CNTNAP2: variants seen among roughly 807,000 people sequenced by gnomAD.
CNTNAP2 encodes contactin associated protein 2.
In CNTNAP2, 98 loss-of-function variants were observed where a neutral mutation model predicts 155.2. The observed-to-expected ratio is 0.63, with a 90% CI of 0.54 to 0.75. The LOEUF is 0.75. Among genes scored for constraint, CNTNAP2 ranks in the 30% least tolerant of loss-of-function variants. The pLI is 0.00. For synonymous variants in CNTNAP2, 651 were observed against 631.2 expected (o/e 1.03, Z -0.47); for missense variants, 1,727 against 1,688.1 (o/e 1.02, Z -0.40).
At chr7:146,840,282 G>C (rs1420782350) in intron 3 of CNTNAP2, among the ~76,000 whole-genome samples, 2 of 152,166 alleles carry the variant, frequency 1.3e-5, no homozygotes, top group African/African-American at 4.8e-5. Context: ...ATATAATTTA[G>C]AGAAGTAAGA....
rs1275577228 is a variant in CNTNAP2, at chr7:148,416,280, C to CACAACTGG, written c.*666_*673dup. On this transcript the variant is annotated 3_prime_UTR_variant, in exon 24 of 24. Coordinates refer to ENST00000361727, the MANE Select transcript of CNTNAP2 (RefSeq NM_014141.6). ...ACCTGGTGTGTAACGACACAATCAG[C>CACAACTGG]ACAACTGGAGAGAGGCATTAAAGAA... is the stretch of plus-strand genomic sequence containing the variant. 1 of 152,722 alleles carries CACAACTGG rather than the reference C, an allele frequency of 6.5e-6. No homozygotes were observed. Among genetic ancestry groups the CACAACTGG allele is most frequent in the Non-Finnish European group, 1.5e-5 (1 of 68,502 alleles). 9.5% of individuals were successfully genotyped at this position (152,722 alleles called of 1,614,324 possible).
intron 9 of CNTNAP2, among the ~76,000 whole-genome samples, chr7:147,310,952 G>A (rs1795112948): frequency 6.6e-6 from 1 of 152,162 alleles, no homozygotes; most frequent in Admixed American, 6.5e-5. Flanking sequence ...GAGTATAGGG[G>A]TTTCTAACCA....
chr7:146,279,439 C>CACACACAA (rs1554410517), intron 1 of CNTNAP2, among the ~76,000 whole-genome samples: 3 of 144,850 alleles, frequency 2.1e-5, no homozygotes, highest in African/African-American at 8.6e-5. Context: ...AACACACACA[C>CACACACAA]ACACACACAC....
chr7:147,176,732 A>G (rs1802349142), intron 8 of CNTNAP2, among the ~76,000 whole-genome samples: 1 of 107,114 alleles, frequency 9.3e-6, no homozygotes, highest in African/African-American at 3.2e-5. Context: ...ATTATATATA[A>G]TAGAATTATA....
chr7:147,804,439 C>T lies in CNTNAP2; in HGVS notation c.2099-99126C>T, dbSNP rs80208866. Among the ~76,000 whole-genome samples the T allele has an allele frequency of 1.1e-3, 169 of 152,246 alleles. 1 individual carries two copies. The East Asian group carries it at 0.032, about 29-fold the overall frequency. On this transcript the variant is annotated intron_variant, in intron 13 of 23. Transcript: ENST00000361727. ...AATGCCACAAAATCTTATCAGATTA[C>T]TCTCCTTTTGAAACCTTCCAAAGAC...
chr7:148,364,119 G>A (rs984232239), intron 21 of CNTNAP2, among the ~76,000 whole-genome samples: 2 of 152,170 alleles, frequency 1.3e-5, no homozygotes, highest in Non-Finnish European at 2.9e-5. Context: ...TGTGCGGCCC[G>A]AGCCTCCCCG....
chr7:148,282,263 T>C (rs745400764), intron 21 of CNTNAP2, among the ~76,000 whole-genome samples: 47 of 152,224 alleles, frequency 3.1e-4, no homozygotes, highest in Admixed American at 5.9e-4. Context: ...ATAAAACAGC[T>C]GCAAAGGCAA....
At chr7:147,934,767 G>A (rs891656586) in intron 14 of CNTNAP2, among the ~76,000 whole-genome samples, 1 of 152,088 alleles carries the variant, frequency 6.6e-6, no homozygotes, top group African/African-American at 2.4e-5. Context: ...AATATAACAG[G>A]TTCTTGTAGA....
intron 13 of CNTNAP2, among the ~76,000 whole-genome samples, chr7:147,851,748 C>T (rs1189950214): frequency 2.4e-5 from 3 of 125,320 alleles, no homozygotes; most frequent in African/African-American, 9.6e-5. Context: ...CATCACACAC[C>T]AAGGCCTGTC....
chr7:147,549,702 C>T (rs1361065789), intron 11 of CNTNAP2, among the ~76,000 whole-genome samples: 2 of 152,136 alleles, frequency 1.3e-5, no homozygotes, highest in Non-Finnish European at 2.9e-5. Flanking sequence ...GTCACCACAG[C>T]AGTTCTGGTA....
At chr7:146,924,715 T>C (rs976350744) in intron 3 of CNTNAP2, among the ~76,000 whole-genome samples, 1 of 152,082 alleles carries the variant, frequency 6.6e-6, no homozygotes. Context: ...ACACTATTTT[T>C]TGAAAAAAAA....
intron 14 of CNTNAP2, among the ~76,000 whole-genome samples, chr7:147,936,183 G>A (rs140379274): frequency 2.4e-3 from 369 of 152,200 alleles, no homozygotes; most frequent in African/African-American, 8.4e-3. Flanking sequence ...TTAAAAGCAA[G>A]TCTTTTTTGG....
At chr7:146,746,165 T>C (rs913239914) in intron 1 of CNTNAP2, among the ~76,000 whole-genome samples, 1 of 152,248 alleles carries the variant, frequency 6.6e-6, no homozygotes, top group Non-Finnish European at 1.5e-5. Flanking sequence ...TAATTCATTG[T>C]TGCACAAGGT....
intron 1 of CNTNAP2, among the ~76,000 whole-genome samples, chr7:146,560,028 CTT>C: frequency 6.6e-6 from 1 of 152,252 alleles, no homozygotes; most frequent in Admixed American, 6.5e-5. Context: ...AGTTAAAACA[CTT>C]TTATTTGCTT....
At chr7:147,671,987 A>C (rs1795795217) in intron 13 of CNTNAP2, 1 of 152,164 alleles carries the variant, frequency 6.6e-6, no homozygotes, top group Non-Finnish European at 1.5e-5. Context: ...TTTTGTACAG[A>C]GTTTGTTAGA....
intron 2 of CNTNAP2, among the ~76,000 whole-genome samples, chr7:146,790,886 C>T (rs1378750337): frequency 6.6e-6 from 1 of 151,508 alleles, no homozygotes; most frequent in African/African-American, 2.4e-5. Flanking sequence ...TCAGTGATTT[C>T]TATGCAGGGG....
intron 8 of CNTNAP2, among the ~76,000 whole-genome samples, chr7:147,204,399 C>A (rs1041358355): frequency 2.0e-5 from 3 of 151,992 alleles, no homozygotes; most frequent in Admixed American, 6.6e-5. Context: ...ATTATTTGCT[C>A]AATTTTCCAA....
intron 21 of CNTNAP2, among the ~76,000 whole-genome samples, chr7:148,272,385 A>C (rs1185437471): frequency 6.6e-6 from 1 of 152,156 alleles, no homozygotes; most frequent in Non-Finnish European, 1.5e-5. Flanking sequence ...AGAAATCTTC[A>C]AGGAAGAGAA....
intron 2 of CNTNAP2, among the ~76,000 whole-genome samples, chr7:146,775,246 A>G (rs1802369479): frequency 6.6e-6 from 1 of 152,174 alleles, no homozygotes; most frequent in Non-Finnish European, 1.5e-5. Context: ...TCTATTGTGT[A>G]GCATGGTGAC....
Sources: gnomAD v4.1 joint callset for allele counts (sites outside exome capture counted in the v4.1 genomes callset) on GRCh38, gnomAD v4.1.1 for gene constraint, MANE v1.5 for transcripts, NCBI Gene and HGNC (gene_info 2026-07-23, HGNC 2026-07-21) for gene names.